GIT2: variants seen among roughly 807,000 people sequenced by gnomAD.
The protein encoded by GIT2 is ARF GTPase-activating protein GIT2.
A neutral mutation model predicts 100.3 loss-of-function variants in GIT2; 32 were observed. The ratio of observed to expected loss-of-function variants is 0.32; its 90% CI spans 0.24 to 0.43. The LOEUF (loss-of-function observed/expected upper bound fraction) is 0.43, where lower values mean the gene tolerates loss of function less well. Among genes scored for constraint, GIT2 ranks in the 20% least tolerant of loss-of-function variants. The pLI, the probability that GIT2 is intolerant of heterozygous loss-of-function variation, is 1.00. For synonymous variants in GIT2, 353 were observed against 364.1 expected (o/e 0.97, Z 0.35); for missense variants, 737 against 975.1 (o/e 0.76, Z 3.25).
chr12:109,947,446 T>C lies in GIT2; in HGVS notation c.1451A>G (p.Tyr484Cys). The C allele has an allele frequency of 6.2e-7, 1 of 1,613,624 alleles. No individual in the cohort carries two copies. The highest frequency in any genetic ancestry group is 2.2e-5 in the East Asian group (1 of 44,884). Residue 484 changes from tyrosine to cysteine, a missense_variant, in exon 15 of 20, where the codon TAT (tyrosine) becomes TGT (cysteine). Tyr to Cys is a radical substitution (Grantham distance 194). Coordinates refer to ENST00000355312, the MANE Select transcript of GIT2 (RefSeq NM_057169.5). The surrounding 1 kb of genome is among the most constrained non-coding windows in gnomAD (Gnocchi z 4.3). ...GTACTCAGAACCAGTTTGCACCTGA[T>C]ATACATTGGTTGTGGCCTGTTTCCT... is the stretch of plus-strand genomic sequence containing the variant. ...NLRKQATTNV[Y>C]QVQTGSEYTD... is the part of the protein sequence containing the mutation.
intron 12 of GIT2, among the ~76,000 whole-genome samples, chr12:109,957,060 T>G (rs935961611): frequency 6.6e-6 from 1 of 152,074 alleles, no homozygotes; most frequent in Non-Finnish European, 1.5e-5. Flanking sequence ...TTACTTTGTC[T>G]CATATAATTA....
chr12:109,935,730 C>T lies in GIT2; in HGVS notation c.2004-1645G>A, dbSNP rs572740508. Among the ~76,000 whole-genome samples, 27 of 152,294 alleles carry T rather than the reference C, an allele frequency of 1.8e-4. No individual in the cohort carries two copies. The East Asian group carries it at 4.4e-3, about 25-fold the overall frequency. On this transcript the variant is annotated intron_variant, in intron 18 of 19. Coordinates refer to ENST00000355312, the MANE Select transcript of GIT2 (RefSeq NM_057169.5). ...TTTTATATTTTGTTGTTTATGGTTTCATTTTTGAGAAATACGATTCACCCT... is the reference window on the plus strand; with the variant it reads ...TTTTATATTTTGTTGTTTATGGTTTTATTTTTGAGAAATACGATTCACCCT...
intron 1 of GIT2, among the ~76,000 whole-genome samples, chr12:109,994,157 T>C (rs1456932458): frequency 6.6e-6 from 1 of 152,160 alleles, no homozygotes; most frequent in Non-Finnish European, 1.5e-5. Context: ...GTATTCTTTT[T>C]TTAGCAAGTA....
At chr12:109,941,983 C>G (rs1020482916) in intron 16 of GIT2, among the ~76,000 whole-genome samples, 1 of 152,054 alleles carries the variant, frequency 6.6e-6, no homozygotes, top group African/African-American at 2.4e-5. Flanking sequence ...TGCCACCACG[C>G]TTGGCTAATT....
At chr12:109,967,963 T>A (rs1027328099) in intron 7 of GIT2, among the ~76,000 whole-genome samples, 1 of 152,202 alleles carries the variant, frequency 6.6e-6, no homozygotes, top group Non-Finnish European at 1.5e-5. Flanking sequence ...GCAAGGAAGC[T>A]TACTGACTCA....
rs1876576659 is a variant in GIT2, at chr12:109,947,182, G to A, written c.1641+74C>T. On this transcript the variant is annotated intron_variant, in intron 15 of 19. Coordinates refer to ENST00000355312, the MANE Select transcript of GIT2 (RefSeq NM_057169.5). This position sits in a 1 kb window ranked among gnomAD's most constrained non-coding sequence, Gnocchi z 4.3. Reference sequence around the variant, plus strand: ...TGGCAAAGCAGAGCTGTGGGGACCTGTAGGTTCAGAAGAGGGAACAGAGTA... The same window carrying A: ...TGGCAAAGCAGAGCTGTGGGGACCTATAGGTTCAGAAGAGGGAACAGAGTA... 6.9e-7 allele frequency: 1 copy of A among 1,444,324 alleles called. No individual in the cohort carries two copies. Among genetic ancestry groups the A allele is most frequent in the African/African-American group, 1.4e-5 (1 of 70,804 alleles). The allele number at this position is 1,444,324 out of a possible 1,614,324, so 89.5% of individuals were successfully genotyped here.
At position 109,961,785 on chromosome 12, in the gene GIT2, T is replaced by G. The variant is rs542875614; in HGVS notation, c.817-100A>C. 16 of 756,764 alleles carry G rather than the reference T, an allele frequency of 2.1e-5. 1 individual carries two copies. The South Asian group carries it at 2.1e-4, about 10-fold the overall frequency. 46.9% of individuals were successfully genotyped at this position (756,764 alleles called of 1,614,324 possible). ...TCACCCTTTTATTGCCTACGTCTTA[T>G]CCAATGCCAGTGCTTGGTACATACC... On this transcript the variant is annotated intron_variant, in intron 9 of 19. Coordinates refer to ENST00000355312, the MANE Select transcript of GIT2 (RefSeq NM_057169.5).
At position 109,938,496 on chromosome 12, in the gene GIT2, G is replaced by A; in HGVS notation, c.1887C>T (p.Pro629=). The A allele has an allele frequency of 6.2e-7, 1 of 1,613,698 alleles. No homozygotes were observed. The highest frequency in any genetic ancestry group is 8.5e-7 in the Non-Finnish European group (1 of 1,179,672). The stretch of plus-strand genomic sequence containing the variant: ...GGAGAGTGGGGCTTGGGGCCACATG[G>A]GGTTCTGCTGTGTCTGGTACCAAGC... ...GDGLVPDTAE[P]HVAPSPTLPS... Residue 629 remains proline, a synonymous_variant, in exon 18 of 20, where the codon CCC becomes CCT. Coordinates refer to ENST00000355312, the MANE Select transcript of GIT2 (RefSeq NM_057169.5).
In GIT2 at chr12:109,949,014, C is replaced by G. The variant is rs1592988357; in HGVS notation, c.1393-1510G>C. 8.6e-6 allele frequency: 5 copies of G among 582,866 alleles called. No homozygotes were observed. The East Asian group carries it at 1.5e-4, about 17-fold the overall frequency. The allele number at this position is 582,866 out of a possible 1,614,324, so 36.1% of individuals were successfully genotyped here. ...ACTGCTGTGAAAGTGTGACTTACTG[C>G]CTCTTCCACAAAAAGACCACTCATT... On this transcript the variant is annotated intron_variant, in intron 14 of 19. Coordinates refer to ENST00000355312, the MANE Select transcript of GIT2 (RefSeq NM_057169.5).
At chr12:109,982,092 A>T (rs965751217) in intron 6 of GIT2, 1 of 152,218 alleles carries the variant, frequency 6.6e-6, no homozygotes, top group Non-Finnish European at 1.5e-5. Flanking sequence ...ATAATGAAGC[A>T]CCATGCAATA....
chr12:109,992,398 C>T (rs777616420), intron 1 of GIT2, among the ~76,000 whole-genome samples: 21 of 152,024 alleles, frequency 1.4e-4, no homozygotes, highest in Non-Finnish European at 2.4e-4. Context: ...CCGCCCACCT[C>T]GGCCTCCCAA....
intron 2 of GIT2, among the ~76,000 whole-genome samples, chr12:109,990,501 G>C (rs1235756691): frequency 6.6e-6 from 1 of 152,172 alleles, no homozygotes; most frequent in South Asian, 2.1e-4. Context: ...TTCATTTCAA[G>C]GCATGACTCC....
chr12:109,976,115 C>A (rs1884975308), intron 7 of GIT2, among the ~76,000 whole-genome samples: 2 of 150,192 alleles, frequency 1.3e-5, no homozygotes, highest in Admixed American at 1.3e-4. Context: ...TACACACACA[C>A]ACACACAAAC....
At chr12:109,979,914 T>C (rs2136746427) in intron 7 of GIT2, among the ~76,000 whole-genome samples, 1 of 152,304 alleles carries the variant, frequency 6.6e-6, no homozygotes, top group African/African-American at 2.4e-5. Flanking sequence ...TTGGCCAATA[T>C]TTTCTTTAAA....
Position 109,931,386 on chromosome 12 carries a change from C to G in GIT2, c.*1592G>C, listed in dbSNP as rs1286762494. On this transcript the variant is annotated 3_prime_UTR_variant, in exon 20 of 20. Transcript: ENST00000355312. ...CTCACACTGCACAGCTTACAGGGCCCTGGGGTGGGGGCTGTGAGCTGGCAG... is the reference window on the plus strand; with the variant it reads ...CTCACACTGCACAGCTTACAGGGCCGTGGGGTGGGGGCTGTGAGCTGGCAG... The G allele has an allele frequency of 1.3e-5, 2 of 152,236 alleles. No homozygotes were observed. Among genetic ancestry groups the G allele is most frequent in the Admixed American group, 1.3e-4 (2 of 15,278 alleles). 9.4% of individuals were successfully genotyped at this position (152,236 alleles called of 1,614,324 possible).
chr12:109,990,479 A>G (rs564199201), intron 2 of GIT2, among the ~76,000 whole-genome samples: 101 of 152,340 alleles, frequency 6.6e-4, no homozygotes, highest in Non-Finnish European at 1.2e-3. Flanking sequence ...GTAATAAATC[A>G]TATCTCCAAA....
chr12:109,949,115 A>G (rs942719599), intron 14 of GIT2: 12 of 451,160 alleles, frequency 2.7e-5, no homozygotes, highest in Admixed American at 4.0e-5. Context: ...GGTATAGCTC[A>G]TATCTGCAAT....
In GIT2 at chr12:109,933,266, A is replaced by G; in HGVS notation, c.2068-76T>C. 1 of 841,090 alleles carries G rather than the reference A, an allele frequency of 1.2e-6. No homozygotes were observed. The highest frequency in any genetic ancestry group is 1.9e-6 in the Non-Finnish European group (1 of 515,180). 52.1% of individuals were successfully genotyped at this position (841,090 alleles called of 1,614,324 possible). A position where few individuals can be genotyped will look rare whatever the true frequency, so the allele number is the denominator to read the frequency against. On this transcript the variant is annotated intron_variant, in intron 19 of 19. Coordinates refer to ENST00000355312, the MANE Select transcript of GIT2 (RefSeq NM_057169.5). The surrounding 1 kb of genome is among the most constrained non-coding windows in gnomAD (Gnocchi z 4.5). ...AAAGCAGGGGACAAACATTCTTCTA[A>G]AGCAAACCAAGCTGCTCCCCAGAGT... is the stretch of plus-strand genomic sequence containing the variant.
chr12:109,938,840 C>T (rs1873785804), intron 17 of GIT2: 1 of 497,966 alleles, frequency 2.0e-6, no homozygotes, highest in African/African-American at 1.9e-5. Flanking sequence ...TTTATAAAGC[C>T]ATCCTCAGGT....
Sources: allele counts gnomAD v4.1 joint callset (sites outside exome capture counted in the v4.1 genomes callset), GRCh38; gene constraint gnomAD v4.1.1; non-coding constraint Gnocchi (gnomAD v3.1); transcripts MANE v1.5; gene names NCBI Gene and HGNC (gene_info 2026-07-23, HGNC 2026-07-21).